The following BCKDHB variants were observed in gnomAD, a reference collection of about 807,000 sequenced individuals.
BCKDHB encodes the protein branched chain keto acid dehydrogenase E1 subunit beta, also known as 2-oxoisovalerate dehydrogenase subunit beta, mitochondrial.
In BCKDHB, 41 loss-of-function variants were observed where a neutral mutation model predicts 48.5. The observed-to-expected ratio is 0.85, with a 90% CI of 0.66 to 1.10. The LOEUF is 1.10. Ranked by LOEUF, BCKDHB falls within the 50% of genes least tolerant of loss-of-function variation. The pLI, the probability that BCKDHB is intolerant of heterozygous loss-of-function variation, is 0.00. For synonymous variants in BCKDHB, 201 were observed against 174.8 expected (o/e 1.15, Z -1.18); for missense variants, 496 against 494.2 (o/e 1.00, Z -0.03).
rs1770165947 is a variant in BCKDHB at position 80,345,695 on chromosome 6, C to T, written c.*1891C>T. 6.6e-6 allele frequency: 1 copy of T among 152,174 alleles called. No homozygotes were observed. Among genetic ancestry groups the T allele is most frequent in the Admixed American group, 6.5e-5 (1 of 15,274 alleles). 9.4% of individuals were successfully genotyped at this position (152,174 alleles called of 1,614,324 possible). A position where few individuals can be genotyped will look rare whatever the true frequency, so the allele number is the denominator to read the frequency against. ...ACACTTAGAGCTGGTTAGAGGACTCCTTCACTTTTGTTGTCCATGTGGTTC... is the reference window on the plus strand; with the variant it reads ...ACACTTAGAGCTGGTTAGAGGACTCTTTCACTTTTGTTGTCCATGTGGTTC... On this transcript the variant is annotated 3_prime_UTR_variant, in exon 10 of 10. Transcript: ENST00000320393.
At chr6:80,444,987 G>A in the BCKDHB span, among the ~76,000 whole-genome samples, 1 of 152,086 alleles carries the variant, frequency 6.6e-6, no homozygotes, top group African/African-American at 2.4e-5. Context: ...AATTCTCAAG[G>A]TTGTGGCTGT....
At chr6:80,135,449 G>T (rs538148716) in intron 3 of BCKDHB, among the ~76,000 whole-genome samples, 3 of 152,206 alleles carry the variant, frequency 2.0e-5, no homozygotes, top group Non-Finnish European at 4.4e-5. Context: ...GGAATTTGGA[G>T]TGAAAACAGG....
At chr6:80,387,155 A>G in the BCKDHB span, among the ~76,000 whole-genome samples, 1 of 152,112 alleles carries the variant, frequency 6.6e-6, no homozygotes, top group Non-Finnish European at 1.5e-5. Context: ...AGGTCAGGTA[A>G]TTAATGGGGT....
At chr6:80,450,122 G>GA in the BCKDHB span, among the ~76,000 whole-genome samples, 4 of 152,032 alleles carry the variant, frequency 2.6e-5, no homozygotes, top group Non-Finnish European at 4.4e-5. Context: ...AGCTGCAGAG[G>GA]AAAAAGTGCT....
At chr6:80,226,197 T>C (rs1582395552) in intron 8 of BCKDHB, among the ~76,000 whole-genome samples, 1 of 152,338 alleles carries the variant, frequency 6.6e-6, no homozygotes, top group East Asian at 1.9e-4. Context: ...AGTCTTATTT[T>C]GTTTTTCCAT....
At chr6:80,339,941 C>G (rs73467507) in intron 9 of BCKDHB, among the ~76,000 whole-genome samples, 13,814 of 152,130 alleles carry the variant, frequency 0.091, 760 homozygotes, top group South Asian at 0.25. Context: ...TCGAATCTTA[C>G]TTGGCTGTGT....
chr6:80,397,466 A>C, the BCKDHB span, among the ~76,000 whole-genome samples: 1 of 152,228 alleles, frequency 6.6e-6, no homozygotes, highest in East Asian at 1.9e-4. Context: ...AAGAGAAAGC[A>C]GAGGTAATAT....
intron 2 of BCKDHB, among the ~76,000 whole-genome samples, chr6:80,128,871 A>G (rs921938072): frequency 2.8e-5 from 3 of 107,566 alleles, no homozygotes; most frequent in African/African-American, 4.1e-5. Context: ...TGTTGTCTCA[A>G]CTGTGTGTGT....
chr6:80,163,235 T>C (rs1265503643), intron 3 of BCKDHB, among the ~76,000 whole-genome samples: 2 of 152,022 alleles, frequency 1.3e-5, no homozygotes, highest in African/African-American at 4.8e-5. Flanking sequence ...CGTTTCTCCA[T>C]ATAATTGTCA....
chr6:80,445,407 C>A, the BCKDHB span, among the ~76,000 whole-genome samples: 2 of 152,010 alleles, frequency 1.3e-5, no homozygotes, highest in African/African-American at 4.8e-5. Flanking sequence ...GGAAAAGACC[C>A]ACAAGGATTC....
chr6:80,314,844 C>T (rs181129263), intron 9 of BCKDHB, among the ~76,000 whole-genome samples: 30 of 152,324 alleles, frequency 2.0e-4, no homozygotes, highest in African/African-American at 6.3e-4. Flanking sequence ...AGGAATAGAT[C>T]GGGGTCCTGC....
chr6:80,228,943 C>T (rs2127880950), intron 8 of BCKDHB, among the ~76,000 whole-genome samples: 1 of 152,338 alleles, frequency 6.6e-6, no homozygotes. Context: ...CTAAGAACTC[C>T]TCAGGTATGC....
chr6:80,384,762 C>T, the BCKDHB span, among the ~76,000 whole-genome samples: 1 of 152,054 alleles, frequency 6.6e-6, no homozygotes, highest in Non-Finnish European at 1.5e-5. Context: ...CAATAAATTC[C>T]TCTTTATATA....
In BCKDHB at chr6:80,200,923, T is replaced by A. The variant is rs761884726; in HGVS notation, c.743-11T>A. 1 of 1,590,412 alleles carries A rather than the reference T, an allele frequency of 6.3e-7. No homozygotes were observed. The highest frequency in any genetic ancestry group is 8.6e-7 in the Non-Finnish European group (1 of 1,159,010). ...AAATGTCCTTTTTTTTTTTTCCTGT[T>A]CTGTATTTAGCGGAAGAAGTCCCTA... On this transcript the variant is annotated splice_polypyrimidine_tract_variant and intron_variant, in intron 6 of 9. Coordinates refer to ENST00000320393, the MANE Select transcript of BCKDHB (RefSeq NM_183050.4).
the BCKDHB span, among the ~76,000 whole-genome samples, chr6:80,464,362 C>T: frequency 3.7e-4 from 57 of 152,178 alleles, no homozygotes; most frequent in African/African-American, 1.3e-3. Context: ...CTCCTTAGCT[C>T]ATGATCCACC....
chr6:80,355,316 C>G, the BCKDHB span: 1 of 141,738 alleles, frequency 7.1e-6, no homozygotes, highest in African/African-American at 2.6e-5. Context: ...GGGAGAATCT[C>G]TTGAACCCGG....
chr6:80,119,570 C>G (rs567663027), intron 1 of BCKDHB, among the ~76,000 whole-genome samples: 36 of 152,204 alleles, frequency 2.4e-4, no homozygotes, highest in African/African-American at 7.7e-4. Context: ...ATCCGCACCC[C>G]CCTTGGCCTC....
intron 8 of BCKDHB, among the ~76,000 whole-genome samples, chr6:80,263,472 T>G (rs1777385921): frequency 6.6e-6 from 1 of 152,206 alleles, no homozygotes; most frequent in Non-Finnish European, 1.5e-5. Context: ...TAATTTTTGC[T>G]GAAATATCCT....
intron 8 of BCKDHB, among the ~76,000 whole-genome samples, chr6:80,271,812 C>CA (rs66539911): frequency 0.32 from 44,957 of 141,814 alleles, 7,297 homozygotes; most frequent in Non-Finnish European, 0.38. Flanking sequence ...GACTCCATCT[C>CA]AAAAAAAAAC....
Sources: gnomAD v4.1 joint callset for allele counts (sites outside exome capture counted in the v4.1 genomes callset) on GRCh38, gnomAD v4.1.1 for gene constraint, MANE v1.5 for transcripts, NCBI Gene and HGNC (gene_info 2026-07-23, HGNC 2026-07-21) for gene names.